RNF216: variants seen among roughly 807,000 people sequenced by gnomAD.
RNF216 encodes ring finger protein 216.
A neutral mutation model predicts 110.8 loss-of-function variants in RNF216; 72 were observed. The observed-to-expected ratio is 0.65, with a 90% CI of 0.54 to 0.79. The LOEUF (loss-of-function observed/expected upper bound fraction) is 0.79. RNF216 is among the 30% of genes least tolerant of loss of function. The pLI is 0.00. For missense variants in RNF216, 1,342 were observed against 1,141.2 expected (o/e 1.18, Z -2.54); for synonymous variants, 495 against 407.5 (o/e 1.21, Z -2.59).
At chr7:5,748,912 A>C (rs1324213723) in intron 3 of RNF216, among the ~76,000 whole-genome samples, 1 of 152,148 alleles carries the variant, frequency 6.6e-6, no homozygotes, top group Non-Finnish European at 1.5e-5. Context: ...GAAGGCTATA[A>C]GATCTGCTTC....
intron 13 of RNF216, among the ~76,000 whole-genome samples, chr7:5,658,575 T>C (rs1243641762): frequency 1.3e-5 from 2 of 150,216 alleles, no homozygotes; most frequent in African/African-American, 4.9e-5. Context: ...GAGGATTTCT[T>C]GAGCCTGGGA....
intron 13 of RNF216, among the ~76,000 whole-genome samples, chr7:5,673,801 C>T (rs1790081734): frequency 6.6e-6 from 1 of 151,192 alleles, no homozygotes; most frequent in South Asian, 2.1e-4. Flanking sequence ...CACCTGAACC[C>T]AGGAGTTTGA....
intron 13 of RNF216, among the ~76,000 whole-genome samples, chr7:5,668,153 C>T (rs1485349537): frequency 1.3e-5 from 2 of 152,070 alleles, no homozygotes; most frequent in East Asian, 1.9e-4. Flanking sequence ...CATAGAAAAG[C>T]GGCTGCCCCT....
chr7:5,766,055 G>A (rs977421232), intron 1 of RNF216, among the ~76,000 whole-genome samples: 3 of 151,962 alleles, frequency 2.0e-5, no homozygotes, highest in African/African-American at 7.3e-5. Flanking sequence ...AGACCAAGGT[G>A]GGAGAATCAC....
intron 11 of RNF216, among the ~76,000 whole-genome samples, chr7:5,714,183 G>A (rs999031625): frequency 1.3e-5 from 2 of 152,060 alleles, no homozygotes; most frequent in African/African-American, 2.4e-5. Flanking sequence ...GGCTAGTCTC[G>A]AACTCCTAAT....
At chr7:5,762,505 A>T (rs939498573) in intron 1 of RNF216, among the ~76,000 whole-genome samples, 3 of 151,506 alleles carry the variant, frequency 2.0e-5, no homozygotes, top group African/African-American at 4.8e-5. Context: ...AAAATTTAAA[A>T]AATAATAATA....
At chr7:5,770,077 T>C (rs1019615876) in intron 1 of RNF216, among the ~76,000 whole-genome samples, 6 of 130,804 alleles carry the variant, frequency 4.6e-5, no homozygotes, top group Non-Finnish European at 1.6e-5. Context: ...CTGGGCGTGG[T>C]GGCTCACGCC....
chr7:5,718,506 C>T (rs1235530029), intron 9 of RNF216, among the ~76,000 whole-genome samples: 1 of 151,746 alleles, frequency 6.6e-6, no homozygotes, highest in Non-Finnish European at 1.5e-5. Flanking sequence ...AAAACAAAAC[C>T]AATTCTCTAA....
chr7:5,651,260 G>A (rs1482311562), intron 14 of RNF216, among the ~76,000 whole-genome samples: 2 of 151,344 alleles, frequency 1.3e-5, no homozygotes, highest in Admixed American at 6.6e-5. Context: ...GTCTCGCTCT[G>A]TCGCCCAGGC....
At chr7:5,631,800 A>T (rs75177193) in intron 15 of RNF216, among the ~76,000 whole-genome samples, 1 of 152,156 alleles carries the variant, frequency 6.6e-6, no homozygotes, top group African/African-American at 2.4e-5. Context: ...GAACATTCTG[A>T]TATCTTTTCC....
At chr7:5,705,200 C>T (rs907545549) in intron 13 of RNF216, among the ~76,000 whole-genome samples, 41 of 152,270 alleles carry the variant, frequency 2.7e-4, no homozygotes, top group African/African-American at 9.6e-4. Flanking sequence ...ATTTATGGAG[C>T]ACCTACTATG....
chr7:5,673,463 G>C (rs192054287), intron 13 of RNF216, among the ~76,000 whole-genome samples: 3 of 152,312 alleles, frequency 2.0e-5, no homozygotes, highest in Non-Finnish European at 4.4e-5. Context: ...AGTGACAAAG[G>C]CTCTAGAAGC....
chr7:5,723,731 G>C (rs192534445), intron 8 of RNF216, among the ~76,000 whole-genome samples: 1 of 152,248 alleles, frequency 6.6e-6, no homozygotes, highest in East Asian at 1.9e-4. Flanking sequence ...AAAAAGGACA[G>C]AGGAGGGAGA....
chr7:5,677,493 T>A (rs1267439327), intron 13 of RNF216, among the ~76,000 whole-genome samples: 1 of 152,182 alleles, frequency 6.6e-6, no homozygotes, highest in African/African-American at 2.4e-5. Context: ...ATCCAAGCCA[T>A]ATCGAAAGGC....
At chr7:5,725,278 G>T in intron 8 of RNF216, 46 bp downstream of exon 8, 1 of 1,112,080 alleles carries the variant, frequency 9.0e-7, no homozygotes, top group Non-Finnish European at 1.4e-6. Context: ...AGAAGAAAAG[G>T]TACAGTGTTG....
chr7:5,745,833 T>C (rs1405972667), intron 3 of RNF216, among the ~76,000 whole-genome samples: 2 of 150,438 alleles, frequency 1.3e-5, no homozygotes, highest in African/African-American at 2.5e-5. Context: ...ACTCGGGATG[T>C]TGCAGTGAGC....
chr7:5,641,370 T>A lies in RNF216; in HGVS notation c.2166A>T (p.Glu722Asp). Residue 722 changes from glutamate to aspartate, a missense_variant, in exon 15 of 17, where the codon GAA becomes GAT. By Grantham distance (45) the Glu-to-Asp change is conservative (BLOSUM62 2). Coordinates refer to ENST00000389902, the MANE Select transcript of RNF216 (RefSeq NM_207111.4). The stretch of plus-strand genomic sequence containing the variant: ...TTCTAATGCGGGCAGCAGTCATTTT[T>A]TCTTCACTGAAATAAGAAAACATAA... The part of the protein sequence containing the change: ...DDIKYRTSIE[E>D]KMTAARIRKC... 1 of 1,612,270 alleles carries A rather than the reference T, an allele frequency of 6.2e-7. No individual in the cohort carries two copies. Among genetic ancestry groups the A allele is most frequent in the Non-Finnish European group, 8.5e-7 (1 of 1,178,612 alleles).
In RNF216 at chr7:5,689,160, GA is replaced by G. The variant is rs1337532876; in HGVS notation, c.2061+22600del. On this transcript the variant is annotated intron_variant, in intron 13 of 16. Transcript: ENST00000389902. ...GAACCAAAAGCACAGGAGGGAGGTG[GA>G]AGGGGGTCCTGGAGTGCAGCGCTAA... Among the ~76,000 whole-genome samples the G allele has an allele frequency of 3.9e-5, 6 of 152,134 alleles. No homozygotes were observed. In the East Asian group the frequency reaches 5.8e-4, roughly 15 times the overall value.
At chr7:5,648,389 G>C (rs1584373728) in intron 14 of RNF216, among the ~76,000 whole-genome samples, 1 of 151,542 alleles carries the variant, frequency 6.6e-6, no homozygotes, top group East Asian at 2.0e-4. Context: ...TTACAGGCGT[G>C]AGCCACTGTG....
Sources: gnomAD v4.1 joint callset for allele counts (sites outside exome capture counted in the v4.1 genomes callset) on GRCh38, gnomAD v4.1.1 for gene constraint, MANE v1.5 for transcripts, NCBI Gene and HGNC (gene_info 2026-07-23, HGNC 2026-07-21) for gene names.